The following SPATA13 variants were observed in gnomAD, a reference collection of about 807,000 sequenced individuals.
SPATA13 encodes the protein spermatogenesis associated 13, also known as spermatogenesis-associated protein 13.
A neutral mutation model predicts 104.0 loss-of-function variants in SPATA13; 50 were observed. That is an observed-to-expected ratio of 0.48 (90% CI 0.38 to 0.61). The LOEUF (loss-of-function observed/expected upper bound fraction) is 0.61, where lower values mean the gene tolerates loss of function less well. Among genes scored for constraint, SPATA13 ranks in the 20% least tolerant of loss-of-function variants. The pLI, the probability that SPATA13 is intolerant of heterozygous loss-of-function variation, is 0.00. For synonymous variants in SPATA13, 606 were observed against 667.5 expected (o/e 0.91, Z 1.42); for missense variants, 1,524 against 1,690.6 (o/e 0.90, Z 1.73).
At chr13:24,087,677 CCT>C (rs1163632946) in intron 3 of SPATA13, among the ~76,000 whole-genome samples, 2 of 152,146 alleles carry the variant, frequency 1.3e-5, no homozygotes, top group Non-Finnish European at 2.9e-5. Context: ...TCTTTCATCC[CCT>C]CTCTACACAC....
chr13:23,983,439 G>A (rs144854483), intron 1 of SPATA13, among the ~76,000 whole-genome samples: 13 of 152,274 alleles, frequency 8.5e-5, no homozygotes, highest in Middle Eastern at 3.4e-3. Context: ...CCATTCTGAG[G>A]TACTGGAGTC....
Position 24,059,343 on chromosome 13 carries a change from G to T in SPATA13, c.-112+41642G>T. On this transcript the variant is annotated intron_variant, in intron 3 of 14. Coordinates refer to the SPATA13 transcript ENST00000424834. The stretch of plus-strand genomic sequence containing the variant: ...CTTGGTGAATGTCACAAAAAAAAAA[G>T]GCTTGTCTTTGATCTCTCAGAAGAT... 2.0e-5 allele frequency among the ~76,000 whole-genome samples: 3 copies of T among 150,342 alleles called. 1 individual carries two copies. The East Asian group carries it at 5.9e-4, about 30-fold the overall frequency.
At chr13:24,301,932 C>T (rs947227) in intron 12 of SPATA13, among the ~76,000 whole-genome samples, 58,539 of 151,994 alleles carry the variant, frequency 0.39, 11,835 homozygotes, top group East Asian at 0.59. Flanking sequence ...GTACTGTAAT[C>T]CCCGTTTTAG....
At chr13:24,049,693 G>C (rs1878270775) in intron 3 of SPATA13, among the ~76,000 whole-genome samples, 1 of 152,050 alleles carries the variant, frequency 6.6e-6, no homozygotes, top group South Asian at 2.1e-4. Flanking sequence ...CGAAACTGAT[G>C]GGCTGTGAAG....
chr13:24,203,979 A>G (rs1870561321), intron 1 of SPATA13, among the ~76,000 whole-genome samples: 1 of 152,190 alleles, frequency 6.6e-6, no homozygotes, highest in Non-Finnish European at 1.5e-5. Flanking sequence ...TGCCTCAGTC[A>G]TGCAAAAATG....
chr13:24,132,749 G>A (rs1426575574), intron 3 of SPATA13, among the ~76,000 whole-genome samples: 2 of 152,084 alleles, frequency 1.3e-5, no homozygotes, highest in African/African-American at 2.4e-5. Context: ...CAAGGCAGGT[G>A]GATCACCTGA....
intron 3 of SPATA13, among the ~76,000 whole-genome samples, chr13:24,115,656 G>A (rs926101146): frequency 2.6e-5 from 4 of 152,212 alleles, no homozygotes; most frequent in African/African-American, 9.6e-5. Context: ...GTTTACAACC[G>A]CAATGAACAT....
intron 3 of SPATA13, among the ~76,000 whole-genome samples, chr13:24,097,575 ACTAG>A (rs1252803179): frequency 6.6e-6 from 1 of 152,200 alleles, no homozygotes; most frequent in Non-Finnish European, 1.5e-5. Flanking sequence ...TGATAAAGCA[ACTAG>A]AACAACTCAT....
chr13:24,278,170 G>GT (rs1217415929), intron 4 of SPATA13, among the ~76,000 whole-genome samples: 3 of 152,160 alleles, frequency 2.0e-5, no homozygotes, highest in Non-Finnish European at 4.4e-5. Flanking sequence ...TACTAACACT[G>GT]TTTTTAATAT....
intron 2 of SPATA13, among the ~76,000 whole-genome samples, chr13:24,017,433 G>A (rs1375659308): frequency 6.6e-6 from 1 of 152,140 alleles, no homozygotes; most frequent in Non-Finnish European, 1.5e-5. Flanking sequence ...CTTGGGCAGA[G>A]CTTTTCTCCA....
chr13:24,123,933 C>A (rs1885901), intron 3 of SPATA13: 291,624 of 554,670 alleles, frequency 0.53, 78,723 homozygotes, highest in Admixed American at 0.57. Flanking sequence ...CTCTTTCAGG[C>A]TTTTGAGATA....
intron 1 of SPATA13, among the ~76,000 whole-genome samples, chr13:24,186,373 G>A (rs1302078713): frequency 1.3e-5 from 2 of 152,180 alleles, no homozygotes; most frequent in Admixed American, 6.5e-5. Flanking sequence ...AGAGGTTTAC[G>A]ATATGTCAGG....
At chr13:24,124,369 G>T (rs941326799) in intron 3 of SPATA13, among the ~76,000 whole-genome samples, 1 of 152,168 alleles carries the variant, frequency 6.6e-6, no homozygotes, top group Non-Finnish European at 1.5e-5. Context: ...GGAGCAGGTT[G>T]CTGAAAGCTC....
chr13:24,185,785 G>A (rs977473880), intron 1 of SPATA13, among the ~76,000 whole-genome samples: 2 of 146,854 alleles, frequency 1.4e-5, no homozygotes, highest in Non-Finnish European at 3.0e-5. Flanking sequence ...CTAAAAGAAT[G>A]TGTGTGTGTG....
intron 4 of SPATA13, among the ~76,000 whole-genome samples, chr13:24,266,047 C>T (rs927191929): frequency 1.3e-5 from 2 of 152,096 alleles, no homozygotes; most frequent in African/African-American, 4.8e-5. Flanking sequence ...ATCTCAAGAA[C>T]CTTAATGAAC....
At chr13:24,248,129 C>G (rs1318486628) in intron 2 of SPATA13, among the ~76,000 whole-genome samples, 2 of 152,238 alleles carry the variant, frequency 1.3e-5, no homozygotes, top group Admixed American at 6.5e-5. Flanking sequence ...TCCACTCCTG[C>G]AGGTCTCTGA....
At chr13:24,005,462 C>T (rs746921689) in intron 2 of SPATA13, among the ~76,000 whole-genome samples, 11 of 151,934 alleles carry the variant, frequency 7.2e-5, no homozygotes, top group Admixed American at 2.6e-4. Context: ...TATTTAAGTA[C>T]GAGAAATGGA....
At chr13:24,182,940 G>T (rs1566137171) in intron 1 of SPATA13, among the ~76,000 whole-genome samples, 2 of 152,126 alleles carry the variant, frequency 1.3e-5, no homozygotes, top group Non-Finnish European at 2.9e-5. Context: ...GCAGGGCCTT[G>T]GTGCCCAGGG....
Position 23,996,193 on chromosome 13 carries a change from T to C in SPATA13, c.-147+12260T>C, listed in dbSNP as rs369746647. 1.8e-4 allele frequency among the ~76,000 whole-genome samples: 28 copies of C among 152,344 alleles called. No individual in the cohort carries two copies. The East Asian group carries it at 3.5e-3, about 19-fold the overall frequency. On this transcript the variant is annotated intron_variant, in intron 2 of 14. Coordinates refer to the SPATA13 transcript ENST00000424834. ...GTCAGGAGTCCAAAGTGGGCTTCACTGGGCTGACTCAAGGATTGCTTTCCT... is the reference window on the plus strand; with the variant it reads ...GTCAGGAGTCCAAAGTGGGCTTCACCGGGCTGACTCAAGGATTGCTTTCCT...
Sources: allele counts gnomAD v4.1 joint callset (sites outside exome capture counted in the v4.1 genomes callset), GRCh38; gene constraint gnomAD v4.1.1; transcripts MANE v1.5; gene names NCBI Gene and HGNC (gene_info 2026-07-23, HGNC 2026-07-21).